Variants in STAT4 observed in about 807,000 individuals in gnomAD.
STAT4 encodes signal transducer and activator of transcription 4.
In STAT4, 42 loss-of-function variants were observed where a neutral mutation model predicts 110.5. The observed-to-expected ratio is 0.38, with a 90% confidence interval of 0.30 to 0.49. The LOEUF is 0.49. STAT4 is among the 20% of genes least tolerant of loss of function. The pLI, the probability that STAT4 is intolerant of heterozygous loss-of-function variation, is 0.95. For missense variants in STAT4, 632 were observed against 887.9 expected (o/e 0.71, Z 3.66); for synonymous variants, 284 against 302.2 (o/e 0.94, Z 0.63).
In STAT4 at chr2:191,150,220, G is replaced by A. The variant is rs1266460769; in HGVS notation, c.-2+727C>T. Among the ~76,000 whole-genome samples the A allele has an allele frequency of 6.6e-6, 1 of 152,106 alleles. No homozygotes were observed. Among genetic ancestry groups the A allele is most frequent in the Non-Finnish European group, 1.5e-5 (1 of 68,016 alleles). The stretch of plus-strand genomic sequence containing the variant: ...AGTCTTTCGGAGAGCTGAATTCAAA[G>A]CTGAAAAAAGGAAGAAGAAGGAATA... On this transcript the variant is annotated intron_variant, in intron 1 of 23. Coordinates refer to ENST00000392320, the MANE Select transcript of STAT4 (RefSeq NM_003151.4). The surrounding 1 kb of genome is among the most constrained non-coding windows in gnomAD (Gnocchi z 6.4).
intron 3 of STAT4, among the ~76,000 whole-genome samples, chr2:191,085,028 A>T (rs1399852122): frequency 6.6e-6 from 1 of 151,724 alleles, no homozygotes; most frequent in African/African-American, 2.4e-5. Flanking sequence ...AAATAGTAAA[A>T]TATTTTTATC....
At chr2:191,069,192 A>C (rs1213797983) in intron 6 of STAT4, among the ~76,000 whole-genome samples, 1 of 152,146 alleles carries the variant, frequency 6.6e-6, no homozygotes, top group Non-Finnish European at 1.5e-5. Flanking sequence ...ATCTGTAGAT[A>C]GTGCGATTTC....
At chr2:191,048,984 T>C (rs1430221772) in intron 14 of STAT4, among the ~76,000 whole-genome samples, 1 of 151,438 alleles carries the variant, frequency 6.6e-6, no homozygotes, top group Admixed American at 6.6e-5. Flanking sequence ...AAAATACCCA[T>C]TGGAAAATCT....
chr2:191,067,137 G>T (rs1309116995), intron 6 of STAT4, among the ~76,000 whole-genome samples: 1 of 148,470 alleles, frequency 6.7e-6, no homozygotes, highest in African/African-American at 2.5e-5. Context: ...AAAAATATCT[G>T]ACTGAAAAAA....
rs1355769801 is a variant in STAT4 at position 191,059,710 on chromosome 2, A to G, written c.1035-941T>C. ...CAGCTCACTGGCATTAGAGAAATGA[A>G]ATCATAGCTCATGGGCAGCCCAAAC... On this transcript the variant is annotated intron_variant, in intron 10 of 23. Transcript: ENST00000392320. This position sits in a 1 kb window ranked among gnomAD's most constrained non-coding sequence, Gnocchi z 4.7. Among the ~76,000 whole-genome samples the G allele has an allele frequency of 6.6e-6, 1 of 152,230 alleles. No homozygotes were observed. The highest frequency in any genetic ancestry group is 1.5e-5 in the Non-Finnish European group (1 of 68,036).
intron 3 of STAT4, among the ~76,000 whole-genome samples, chr2:191,131,047 T>C (rs1304484456): frequency 6.6e-6 from 1 of 151,726 alleles, no homozygotes; most frequent in African/African-American, 2.4e-5. Flanking sequence ...TACCACCAGA[T>C]TGTATGATCC....
At chr2:191,136,005 G>A (rs1395390065) in intron 3 of STAT4, among the ~76,000 whole-genome samples, 33 of 79,736 alleles carry the variant, frequency 4.1e-4, no homozygotes, top group Middle Eastern at 5.7e-3. Flanking sequence ...CAGCATCTCA[G>A]AAAAAAAAAA....
At chr2:191,109,218 T>C (rs1467746015) in intron 3 of STAT4, among the ~76,000 whole-genome samples, 2 of 152,222 alleles carry the variant, frequency 1.3e-5, no homozygotes, top group Non-Finnish European at 2.9e-5. Flanking sequence ...GGAAATTCTA[T>C]TCATTTTGAT....
rs1278673826 is a variant in STAT4, at chr2:191,090,823, C to T, written c.274-14498G>A. On this transcript the variant is annotated intron_variant, in intron 3 of 23. Transcript: ENST00000392320. The surrounding 1 kb of genome is among the most constrained non-coding windows in gnomAD (Gnocchi z 4.2). ...ACAGGGGATGGTCTCGATCCCCTGA[C>T]CTCGTGATCCACCCACCTTGGCCTC... 6.6e-6 allele frequency among the ~76,000 whole-genome samples: 1 copy of T among 152,158 alleles called. No homozygotes were observed. The highest frequency in any genetic ancestry group is 1.5e-5 in the Non-Finnish European group (1 of 68,040).
chr2:191,086,491 T>A lies in STAT4; in HGVS notation c.274-10166A>T, dbSNP rs560599131. Reference sequence around the variant, plus strand: ...AAATAATTACTTTCAATGCATTTTATACAAATAATCAGACCAAGTATAATT... The same window carrying A: ...AAATAATTACTTTCAATGCATTTTAAACAAATAATCAGACCAAGTATAATT... On this transcript the variant is annotated intron_variant, in intron 3 of 23. Coordinates refer to ENST00000392320, the MANE Select transcript of STAT4 (RefSeq NM_003151.4). The surrounding 1 kb of genome is among the most constrained non-coding windows in gnomAD (Gnocchi z 5.5). 6.6e-6 allele frequency among the ~76,000 whole-genome samples: 1 copy of A among 152,326 alleles called. No homozygotes were observed. Among genetic ancestry groups the A allele is most frequent in the Admixed American group, 6.5e-5 (1 of 15,300 alleles).
intron 14 of STAT4, 84 bp downstream of exon 14, chr2:191,054,406 G>T: frequency 9.0e-7 from 1 of 1,106,360 alleles, no homozygotes; most frequent in Non-Finnish European, 1.3e-6. Context: ...TTTATATGAA[G>T]TCAAGCAGTT....
At chr2:191,111,835 G>A (rs1022617950) in intron 3 of STAT4, among the ~76,000 whole-genome samples, 1 of 152,152 alleles carries the variant, frequency 6.6e-6, no homozygotes, top group Admixed American at 6.5e-5. Flanking sequence ...ATTCAAGCCT[G>A]AGCAACAGGG....
chr2:191,047,276 A>G (rs776597007), intron 14 of STAT4, among the ~76,000 whole-genome samples: 6 of 152,156 alleles, frequency 3.9e-5, no homozygotes, highest in Non-Finnish European at 7.3e-5. Flanking sequence ...TTGATAGTAA[A>G]CCAGAAAATA....
chr2:191,126,707 G>C (rs957558860), intron 3 of STAT4, among the ~76,000 whole-genome samples: 2 of 152,178 alleles, frequency 1.3e-5, no homozygotes. Context: ...GGGTTTCCAT[G>C]TCAGCTCCTG....
In STAT4 at chr2:191,130,683, A is replaced by G. The variant is rs935573964; in HGVS notation, c.273+15930T>C. ...CATGGAAGCCATCATGTGAGCTCCT[A>G]CTTAAATTTTGTTTTACAGGTTTTT... On this transcript the variant is annotated intron_variant, in intron 3 of 23. Coordinates refer to ENST00000392320, the MANE Select transcript of STAT4 (RefSeq NM_003151.4). 7.3e-5 allele frequency among the ~76,000 whole-genome samples: 11 copies of G among 151,656 alleles called. 1 individual carries two copies. The highest frequency in any genetic ancestry group is 2.4e-4 in the African/African-American group (10 of 41,006).
At chr2:191,129,201 G>A (rs576802858) in intron 3 of STAT4, among the ~76,000 whole-genome samples, 1 of 152,114 alleles carries the variant, frequency 6.6e-6, no homozygotes, top group African/African-American at 2.4e-5. Context: ...TCATTTACCA[G>A]TTAGTAAATG....
chr2:191,049,131 C>A (rs1696444726), intron 14 of STAT4, among the ~76,000 whole-genome samples: 1 of 148,832 alleles, frequency 6.7e-6, no homozygotes, highest in East Asian at 1.9e-4. Flanking sequence ...AATAATACAC[C>A]TTAGAAACCA....
intron 3 of STAT4, among the ~76,000 whole-genome samples, chr2:191,095,410 T>TATC (rs1574150207): frequency 6.6e-6 from 1 of 152,232 alleles, no homozygotes; most frequent in East Asian, 1.9e-4. Context: ...CACAACAAAC[T>TATC]ATCTCTCAGA....
At chr2:191,151,563 C>T, upstream of STAT4, 1 of 985,600 alleles carries the variant, frequency 1.0e-6, no homozygotes, top group South Asian at 4.7e-5. This position sits in a 1 kb window ranked among gnomAD's most constrained non-coding sequence, Gnocchi z 4.7. Flanking sequence ...CCTGACCTAG[C>T]CTCCTCCTAC....
Sources: gnomAD v4.1 joint callset for allele counts (sites outside exome capture counted in the v4.1 genomes callset) on GRCh38, gnomAD v4.1.1 for gene constraint, Gnocchi (gnomAD v3.1) non-coding constraint, MANE v1.5 for transcripts, NCBI Gene and HGNC (gene_info 2026-07-23, HGNC 2026-07-21) for gene names.